The following CFAP20DC variants were observed in gnomAD, a reference collection of about 807,000 sequenced individuals.
The protein encoded by CFAP20DC is CFAP20 domain containing, also known as protein CFAP20DC.
Under a neutral mutation model 101.7 loss-of-function variants are expected in CFAP20DC, and 84 were observed. That is an observed-to-expected ratio of 0.83 (90% CI 0.69 to 0.99). CFAP20DC has a LOEUF of 0.99. Among genes scored for constraint, CFAP20DC ranks in the 50% least tolerant of loss-of-function variants. The pLI, the probability that CFAP20DC is intolerant of heterozygous loss-of-function variation, is 0.00. For synonymous variants in CFAP20DC, 359 were observed against 351.2 expected, an observed-to-expected ratio of 1.02 and a Z score of -0.25; for missense variants, 1,007 against 970.3, an observed-to-expected ratio of 1.04 and a Z score of -0.50.
chr3:58,922,820 T>C (rs367780445), intron 5 of CFAP20DC, among the ~76,000 whole-genome samples: 43 of 152,124 alleles, frequency 2.8e-4, no homozygotes, highest in South Asian at 1.2e-3. Context: ...TTTTTTTCAA[T>C]CGTTTCATTA....
rs879383563 is a variant in CFAP20DC at position 58,844,867 on chromosome 3, A to C, written c.1971+4165T>G. Among the ~76,000 whole-genome samples, 1,397 of 141,096 alleles carry C rather than the reference A, an allele frequency of 9.9e-3. 7 individuals carry two copies. The highest frequency in any genetic ancestry group is 0.024 in the South Asian group (108 of 4,422). 92.6% of individuals were successfully genotyped at this position (141,096 alleles called of 152,430 possible). On this transcript the variant is annotated intron_variant, in intron 13 of 16. Transcript: ENST00000482387. The stretch of plus-strand genomic sequence containing the variant: ...CTCAGGATTAAGAATCTCACTCAAA[A>C]CCGCTCAACTACGTGGAAACTGAAC...
At chr3:58,937,904 T>G in intron 4 of CFAP20DC, 142 bp from the exon 5 acceptor site, 1 of 631,678 alleles carries the variant, frequency 1.6e-6, no homozygotes, top group East Asian at 2.8e-5. Context: ...AATTGCCTTT[T>G]TCTTTCAAGA....
rs80194561 is a variant in CFAP20DC, at chr3:58,832,631, G to C, written c.1972-742C>G. On this transcript the variant is annotated intron_variant, in intron 13 of 16. Coordinates refer to ENST00000482387, the MANE Select transcript of CFAP20DC (RefSeq NM_001394063.1). ...AAATTTGAATGTAAGATGGGAACCT[G>C]TCAGTTCTGAAAGCCTGGAAGATCT... is the stretch of plus-strand genomic sequence containing the variant. Among the ~76,000 whole-genome samples, 1,083 of 152,252 alleles carry C rather than the reference G, an allele frequency of 7.1e-3. 15 individuals carry two copies. Among genetic ancestry groups the C allele is most frequent in the African/African-American group, 0.025 (1,038 of 41,564 alleles).
In CFAP20DC at chr3:58,868,251, C is replaced by T. The variant is rs572304721; in HGVS notation, c.1016-315G>A. On this transcript the variant is annotated intron_variant, in intron 9 of 16. Coordinates refer to ENST00000482387, the MANE Select transcript of CFAP20DC (RefSeq NM_001394063.1). This position sits in a 1 kb window ranked among gnomAD's most constrained non-coding sequence, Gnocchi z 4.6. ...AAACATTACAAAATGAAACTGACAG[C>T]CAACACAGAAAAATTACTTCTTCCT... Among the ~76,000 whole-genome samples the T allele has an allele frequency of 6.6e-6, 1 of 152,154 alleles. No homozygotes were observed. The highest frequency in any genetic ancestry group is 1.9e-4 in the East Asian group (1 of 5,176).
At chr3:58,989,195 A>G (rs2092851984) in intron 4 of CFAP20DC, among the ~76,000 whole-genome samples, 1 of 152,134 alleles carries the variant, frequency 6.6e-6, no homozygotes, top group African/African-American at 2.4e-5. Context: ...AATTAGGACT[A>G]GTTGAAAAAT....
chr3:58,982,235 T>A (rs952529244), intron 4 of CFAP20DC, among the ~76,000 whole-genome samples: 1 of 152,122 alleles, frequency 6.6e-6, no homozygotes, highest in East Asian at 1.9e-4. Flanking sequence ...TGTGGAGAAA[T>A]AGGAACACTT....
chr3:58,844,729 A>G (rs1414474109), intron 13 of CFAP20DC, among the ~76,000 whole-genome samples: 1 of 131,432 alleles, frequency 7.6e-6, no homozygotes, highest in Non-Finnish European at 1.5e-5. Context: ...GCACCACACC[A>G]CACCTAGTCC....
intron 14 of CFAP20DC, among the ~76,000 whole-genome samples, chr3:58,825,506 T>C (rs1262761552): frequency 6.6e-6 from 1 of 151,138 alleles, no homozygotes; most frequent in Non-Finnish European, 1.5e-5. Context: ...GCAGTGTCCA[T>C]TGATAGCTGT....
chr3:58,952,201 C>T (rs2090193961), intron 4 of CFAP20DC, among the ~76,000 whole-genome samples: 1 of 152,086 alleles, frequency 6.6e-6, no homozygotes, highest in Admixed American at 6.6e-5. Context: ...ACAGTAGTCC[C>T]CCTCATCTGT....
intron 15 of CFAP20DC, among the ~76,000 whole-genome samples, chr3:58,766,828 C>T (rs1323495776): frequency 1.3e-5 from 2 of 152,174 alleles, no homozygotes; most frequent in Non-Finnish European, 2.9e-5. Context: ...ATGCTTTCCT[C>T]CCCTCTTTCT....
rs2067911981 is a variant in CFAP20DC at position 58,742,203 on chromosome 3, A to G, written c.*257T>C. 1.0e-6 allele frequency: 1 copy of G among 989,590 alleles called. No individual in the cohort carries two copies. The highest frequency in any genetic ancestry group is 1.7e-5 in the African/African-American group (1 of 58,654). The allele number at this position is 989,590 out of a possible 1,614,324, so 61.3% of individuals were successfully genotyped here. A position where few individuals can be genotyped will look rare whatever the true frequency, so the allele number is the denominator to read the frequency against. On this transcript the variant is annotated 3_prime_UTR_variant, in exon 17 of 17. Coordinates refer to ENST00000482387, the MANE Select transcript of CFAP20DC (RefSeq NM_001394063.1). ...AATAAACAAAATTATATGTAGAATG[A>G]GAACAAACAAGAACCAATTCAAACT...
At chr3:58,740,468 T>C (rs995855093), downstream of CFAP20DC, among the ~76,000 whole-genome samples, 3 of 152,168 alleles carry the variant, frequency 2.0e-5, no homozygotes, top group Non-Finnish European at 4.4e-5. The surrounding 1 kb of genome is among the most constrained non-coding windows in gnomAD (Gnocchi z 4.6). Context: ...GTTGCTGCTA[T>C]AGGGATCTCT....
chr3:58,859,419 T>C lies in CFAP20DC; in HGVS notation c.1593+4139A>G, dbSNP rs563221545. 1.3e-5 allele frequency among the ~76,000 whole-genome samples: 2 copies of C among 152,356 alleles called. No homozygotes were observed. Among genetic ancestry groups the C allele is most frequent in the African/African-American group, 4.8e-5 (2 of 41,594 alleles). On this transcript the variant is annotated intron_variant, in intron 12 of 16. Coordinates refer to ENST00000482387, the MANE Select transcript of CFAP20DC (RefSeq NM_001394063.1). The surrounding 1 kb of genome is among the most constrained non-coding windows in gnomAD (Gnocchi z 4.1). ...AACTGACAACACTTTAAAGATTTCT[T>C]GTGAAAACTATCTACAAGCAAATGC...
chr3:58,740,956 C>T (rs78324133), downstream of CFAP20DC, among the ~76,000 whole-genome samples: 1,504 of 152,170 alleles, frequency 9.9e-3, 24 homozygotes, highest in African/African-American at 0.035. The surrounding 1 kb of genome is among the most constrained non-coding windows in gnomAD (Gnocchi z 4.6). Flanking sequence ...GAGAGAAATT[C>T]ATAACAAAGG....
At chr3:58,870,919 A>T (rs968413834) in intron 7 of CFAP20DC, among the ~76,000 whole-genome samples, 1 of 150,286 alleles carries the variant, frequency 6.7e-6, no homozygotes, top group Non-Finnish European at 1.5e-5. Context: ...AAAAAAAAAA[A>T]AAAAAGAAAA....
intron 13 of CFAP20DC, among the ~76,000 whole-genome samples, chr3:58,837,595 C>A (rs553226400): frequency 1.2e-4 from 18 of 152,264 alleles, no homozygotes; most frequent in African/African-American, 4.1e-4. Context: ...GCACACTTCT[C>A]TCTGATCAAC....
chr3:58,908,997 A>G (rs556230365), intron 6 of CFAP20DC, among the ~76,000 whole-genome samples: 99 of 152,240 alleles, frequency 6.5e-4, no homozygotes, highest in African/African-American at 2.4e-3. Context: ...GGGTTAGGGG[A>G]AGAAAGAAAG....
chr3:58,800,209 A>G (rs949459760), intron 15 of CFAP20DC, among the ~76,000 whole-genome samples: 2 of 152,236 alleles, frequency 1.3e-5, no homozygotes, highest in African/African-American at 4.8e-5. Context: ...GTTGCTAAGC[A>G]GAGAAAAGAC....
At chr3:58,837,528 T>C (rs1427236031) in intron 13 of CFAP20DC, among the ~76,000 whole-genome samples, 1 of 152,086 alleles carries the variant, frequency 6.6e-6, no homozygotes, top group Non-Finnish European at 1.5e-5. Context: ...ATCCAGAAAA[T>C]GGTTGCATGG....
Sources: allele counts gnomAD v4.1 joint callset (sites outside exome capture counted in the v4.1 genomes callset), GRCh38; gene constraint gnomAD v4.1.1; non-coding constraint Gnocchi (gnomAD v3.1); transcripts MANE v1.5; gene names NCBI Gene and HGNC (gene_info 2026-07-23, HGNC 2026-07-21).